The following DYNLT5 variants were observed in gnomAD, a reference collection of about 807,000 sequenced individuals.
The protein encoded by DYNLT5 is dynein light chain Tctex-type family member 5.
Under a neutral mutation model 19.3 loss-of-function variants are expected in DYNLT5, and 25 were observed. That is an observed-to-expected ratio of 1.30 (90% confidence interval 0.95 to 1.81). DYNLT5 has a LOEUF of 1.81. Ranked by LOEUF, DYNLT5 falls within the 40% of genes most tolerant of loss-of-function variation. DYNLT5 has a pLI of 0.00. For missense variants in DYNLT5, 232 were observed against 217.9 expected, an observed-to-expected ratio of 1.06 and a Z score of -0.41; for synonymous variants, 82 against 68.9, an observed-to-expected ratio of 1.19 and a Z score of -0.94.
intron 3 of DYNLT5, among the ~76,000 whole-genome samples, chr1:66,774,598 T>G (rs1645224332): frequency 6.6e-6 from 1 of 151,590 alleles, no homozygotes; most frequent in Non-Finnish European, 1.5e-5. Flanking sequence ...GCAGAGGGAG[T>G]GAGAAGTGTG....
In DYNLT5 at chr1:66,756,873, TC is replaced by T. The variant is rs557770012; in HGVS notation, c.119+2100del. On this transcript the variant is annotated intron_variant, in intron 2 of 4. Coordinates refer to ENST00000282670, the MANE Select transcript of DYNLT5 (RefSeq NM_152665.3). ...CCCCCAGCCATTGCCCCATGTTGCT[TC>T]CCCATGGGGTACCCCGACTCCTTGC... Among the ~76,000 whole-genome samples, 361 of 152,320 alleles carry T rather than the reference TC, an allele frequency of 2.4e-3. 3 individuals carry two copies. The highest frequency in any genetic ancestry group is 8.2e-3 in the African/African-American group (340 of 41,576).
intron 2 of DYNLT5, among the ~76,000 whole-genome samples, chr1:66,761,172 T>G (rs558016191): frequency 2.0e-5 from 3 of 152,328 alleles, no homozygotes; most frequent in East Asian, 3.9e-4. Context: ...TATTGCAGGT[T>G]TATTTCCAGA....
chr1:66,756,837 G>A (rs576273797), intron 2 of DYNLT5, among the ~76,000 whole-genome samples: 13 of 152,298 alleles, frequency 8.5e-5, no homozygotes, highest in African/African-American at 3.1e-4. Flanking sequence ...ATTCCTCAGT[G>A]CTCTATCTGG....
At chr1:66,771,752 C>T (rs980975947) in intron 3 of DYNLT5, among the ~76,000 whole-genome samples, 1 of 152,156 alleles carries the variant, frequency 6.6e-6, no homozygotes, top group African/African-American at 2.4e-5. Flanking sequence ...GTGTCTATGA[C>T]TTTGAACTGT....
intron 2 of DYNLT5, among the ~76,000 whole-genome samples, chr1:66,755,163 CATGTAT>C (rs1002751443): frequency 1.3e-5 from 2 of 152,100 alleles, no homozygotes; most frequent in African/African-American, 4.8e-5. Flanking sequence ...ATAATTTTGT[CATGTAT>C]TTTCATAGTT....
intron 2 of DYNLT5, chr1:66,768,850 G>C (rs1378560157): frequency 1.3e-5 from 2 of 152,114 alleles, no homozygotes; most frequent in African/African-American, 4.8e-5. Context: ...TCACTAAGAG[G>C]TAAACAGGAC....
At chr1:66,757,935 G>A (rs761990682) in intron 2 of DYNLT5, among the ~76,000 whole-genome samples, 2 of 152,146 alleles carry the variant, frequency 1.3e-5, no homozygotes, top group African/African-American at 4.8e-5. Context: ...GCAGAGTTGA[G>A]TAGTTACAAT....
chr1:66,753,681 G>T (rs1165075345), intron 1 of DYNLT5, among the ~76,000 whole-genome samples: 1 of 152,194 alleles, frequency 6.6e-6, no homozygotes, highest in African/African-American at 2.4e-5. Context: ...AGGCACAGTG[G>T]TTGATGCCTG....
intron 1 of DYNLT5, among the ~76,000 whole-genome samples, chr1:66,754,355 C>T (rs1248023680): frequency 6.6e-6 from 1 of 152,218 alleles, no homozygotes; most frequent in African/African-American, 2.4e-5. Flanking sequence ...TTCTGCTATA[C>T]ATGCATATCT....
rs143012812 is a variant in DYNLT5 at position 66,756,322 on chromosome 1, C to T, written c.119+1545C>T. 3.6e-3 allele frequency among the ~76,000 whole-genome samples: 547 copies of T among 152,194 alleles called. 4 individuals carry two copies. Among genetic ancestry groups the T allele is most frequent in the African/African-American group, 0.011 (470 of 41,524 alleles). ...CTTGCAATGCAGACTATTTAGGAGGCTCCCCCACCCCATGCTAACTTGTAT... is the reference window on the plus strand; with the variant it reads ...CTTGCAATGCAGACTATTTAGGAGGTTCCCCCACCCCATGCTAACTTGTAT... On this transcript the variant is annotated intron_variant, in intron 2 of 4. Transcript: ENST00000282670.
chr1:66,776,087 G>A lies in DYNLT5; in HGVS notation c.212-192G>A, dbSNP rs1330012188. 9 of 589,282 alleles carry A rather than the reference G, an allele frequency of 1.5e-5. 1 individual carries two copies. Among genetic ancestry groups the A allele is most frequent in the South Asian group, 6.6e-5 (2 of 30,382 alleles). 36.5% of individuals were successfully genotyped at this position (589,282 alleles called of 1,614,324 possible). ...TTTTGAGATAGTCACGTAAATGTACGAAAATATTGTCTTCTTGTTCTCTCT... is the reference window on the plus strand; with the variant it reads ...TTTTGAGATAGTCACGTAAATGTACAAAAATATTGTCTTCTTGTTCTCTCT... On this transcript the variant is annotated intron_variant, in intron 3 of 4. Transcript: ENST00000282670.
At chr1:66,764,189 A>G (rs750655791) in intron 2 of DYNLT5, among the ~76,000 whole-genome samples, 2 of 151,914 alleles carry the variant, frequency 1.3e-5, no homozygotes, top group Admixed American at 6.6e-5. Context: ...TTCTGTCTCA[A>G]AAAAAAACAA....
intron 2 of DYNLT5, among the ~76,000 whole-genome samples, chr1:66,756,470 G>A (rs901257500): frequency 4.6e-5 from 7 of 152,102 alleles, no homozygotes; most frequent in African/African-American, 1.7e-4. Flanking sequence ...TCAAATACAG[G>A]CATTGTTTTG....
intron 2 of DYNLT5, among the ~76,000 whole-genome samples, chr1:66,767,146 T>A (rs1235077734): frequency 3.4e-5 from 5 of 148,492 alleles, no homozygotes; most frequent in African/African-American, 9.8e-5. Flanking sequence ...AATAATAGTT[T>A]AAAAAAAAAA....
intron 2 of DYNLT5, among the ~76,000 whole-genome samples, chr1:66,768,260 A>G (rs1056420591): frequency 6.6e-6 from 1 of 152,206 alleles, no homozygotes; most frequent in African/African-American, 2.4e-5. Context: ...ATATGAGCCC[A>G]TATGTAAAAT....
At position 66,777,283 on chromosome 1, in the gene DYNLT5, T is replaced by C. The variant is rs779403939; in HGVS notation, c.369T>C (p.Ile123=). The stretch of plus-strand genomic sequence containing the variant: ...AAGCCCAGGTCAAGGACTTGATGAT[T>C]CCACGGTATAAACTAATTGTGATTG... ...VIKAQVKDLM[I]PRYKLIVIVH... Residue 123 remains isoleucine (I), a synonymous_variant, in exon 5 of 5, where the codon ATT becomes ATC. Coordinates refer to ENST00000282670, the MANE Select transcript of DYNLT5 (RefSeq NM_152665.3). The C allele has an allele frequency of 6.2e-7, 1 of 1,613,286 alleles. No homozygotes were observed. The highest frequency in any genetic ancestry group is 8.5e-7 in the Non-Finnish European group (1 of 1,179,370).
intron 2 of DYNLT5, 30 bp downstream of exon 2, chr1:66,754,807 T>C (rs1450591306): frequency 1.3e-6 from 2 of 1,594,552 alleles, no homozygotes; most frequent in East Asian, 4.5e-5. Flanking sequence ...TGTAAATTCA[T>C]TTATTGAATA....
At chr1:66,753,216 A>C (rs769795088) in intron 1 of DYNLT5, among the ~76,000 whole-genome samples, 1 of 152,162 alleles carries the variant, frequency 6.6e-6, no homozygotes, top group South Asian at 2.1e-4. Context: ...CATTGATGCC[A>C]CTGGGTTTTA....
rs1036995148 is a variant in DYNLT5, at chr1:66,776,534, A to G, written c.336+131A>G. The G allele has an allele frequency of 2.8e-6, 3 of 1,077,552 alleles. No homozygotes were observed. In the African/African-American group the frequency reaches 5.1e-5, roughly 18 times the overall value. The allele number at this position is 1,077,552 out of a possible 1,614,324, so 66.7% of individuals were successfully genotyped here. On this transcript the variant is annotated intron_variant, in intron 4 of 4. Coordinates refer to ENST00000282670, the MANE Select transcript of DYNLT5 (RefSeq NM_152665.3). ...TAAAATGCGTATTTATAATTAGGTC[A>G]TATTCTACATATATGTGTGTGTGTG...
Sources: gnomAD v4.1 joint callset for allele counts (sites outside exome capture counted in the v4.1 genomes callset) on GRCh38, gnomAD v4.1.1 for gene constraint, MANE v1.5 for transcripts, NCBI Gene and HGNC (gene_info 2026-07-23, HGNC 2026-07-21) for gene names.